The following HEPH variants were observed in gnomAD, a reference collection of about 807,000 sequenced individuals.
HEPH encodes the protein hephaestin.
A neutral mutation model predicts 80.8 loss-of-function variants in HEPH; 69 were observed. The ratio of observed to expected loss-of-function variants is 0.85; its 90% CI spans 0.70 to 1.04. HEPH has a LOEUF of 1.04. Ranked by LOEUF, HEPH falls within the 50% of genes least tolerant of loss-of-function variation. The pLI, the probability that HEPH is intolerant of heterozygous loss-of-function variation, is 0.00. For synonymous variants in HEPH, 431 were observed against 322.8 expected (o/e 1.34, Z -3.60); for missense variants, 1,115 against 891.3 (o/e 1.25, Z -3.20).
intron 15 of HEPH, 132 bp from the exon 16 acceptor site, chrX:66,254,903 A>C (rs2091122672): frequency 2.6e-6 from 1 of 382,614 alleles, no homozygotes; most frequent in South Asian, 7.0e-5. Context: ...CACAAAAATA[A>C]AATGATGGAG....
intron 15 of HEPH, among the ~76,000 whole-genome samples, chrX:66,245,398 G>A (rs1321918774): frequency 9.0e-6 from 1 of 111,687 alleles, no homozygotes; most frequent in Non-Finnish European, 1.9e-5. Context: ...ATTACATAAT[G>A]GTAAAGGGAT....
Position 66,247,572 on chromosome X carries a change from T to C in HEPH, c.2564-7463T>C, listed in dbSNP as rs189269642. ...TTGTTCAGATATGGTTTTAAGTTTT[T>C]CTTTACTTTTTATTTATGTTTTCAG... On this transcript the variant is annotated intron_variant, in intron 15 of 20. Transcript: ENST00000343002. 2.4e-3 allele frequency among the ~76,000 whole-genome samples: 271 copies of C among 111,707 alleles called. 2 individuals are homozygous for C. The highest frequency in any genetic ancestry group is 8.3e-3 in the African/African-American group (255 of 30,799).
chrX:66,234,593 CA>C (rs1343709982), intron 15 of HEPH, among the ~76,000 whole-genome samples: 8 of 109,032 alleles, frequency 7.3e-5, no homozygotes, highest in Non-Finnish European at 1.5e-4. Flanking sequence ...TTTTTTTTGA[CA>C]TTTTAATAAT....
intron 15 of HEPH, among the ~76,000 whole-genome samples, chrX:66,209,219 G>A (rs2088977426): frequency 8.9e-6 from 1 of 112,002 alleles, no homozygotes; most frequent in South Asian, 3.7e-4. Flanking sequence ...GTGAAGAAAA[G>A]GGTATTTAAT....
intron 2 of HEPH, chrX:66,171,067 G>A (rs1426347766): frequency 3.3e-6 from 1 of 305,634 alleles, no homozygotes; most frequent in Non-Finnish European, 6.0e-6. Flanking sequence ...GTGTTTGTAA[G>A]ATGTATGGGT....
At chrX:66,239,213 C>T (rs769570741) in intron 15 of HEPH, among the ~76,000 whole-genome samples, 6 of 111,948 alleles carry the variant, frequency 5.4e-5, no homozygotes, top group African/African-American at 6.5e-5. Flanking sequence ...TTCAGAGGCC[C>T]GTGGTGACAG....
At chrX:66,216,158 G>A (rs763347241) in intron 15 of HEPH, among the ~76,000 whole-genome samples, 3 of 111,396 alleles carry the variant, frequency 2.7e-5, no homozygotes, top group Non-Finnish European at 3.8e-5. Context: ...ATGACCCTGC[G>A]TACAACCTGA....
intron 4 of HEPH, among the ~76,000 whole-genome samples, chrX:66,177,159 A>G (rs1021878785): frequency 6.3e-5 from 7 of 111,682 alleles, no homozygotes; most frequent in South Asian, 3.7e-4. Context: ...TGGGCGAAGG[A>G]TATGAACAGA....
rs144707257 is a variant in HEPH at position 66,246,422 on chromosome X, G to T, written c.2564-8613G>T. On this transcript the variant is annotated intron_variant, in intron 15 of 20. Transcript: ENST00000343002. ...AAGCCCTGTCTGATGAGGGGCAGTA[G>T]AGCAATCTTACTCCTTCTAGGCACC... 7.2e-5 allele frequency among the ~76,000 whole-genome samples: 8 copies of T among 111,488 alleles called. No individual in the cohort carries two copies. In the East Asian group the frequency reaches 2.3e-3, roughly 32 times the overall value.
chrX:66,256,563 C>T (rs932590718), intron 17 of HEPH, among the ~76,000 whole-genome samples: 24 of 111,819 alleles, frequency 2.1e-4, no homozygotes, highest in African/African-American at 7.1e-4. Flanking sequence ...GAAGTTGACT[C>T]TGTAAATTGC....
chrX:66,206,337 A>ATTTT (rs2088771364), intron 13 of HEPH, among the ~76,000 whole-genome samples: 1 of 22,887 alleles, frequency 4.4e-5, no homozygotes, highest in Non-Finnish European at 1.3e-4. Flanking sequence ...GAAACCTGCC[A>ATTTT]TCTTTTTTTT....
intron 15 of HEPH, among the ~76,000 whole-genome samples, chrX:66,238,952 G>A (rs920729376): frequency 5.3e-5 from 6 of 112,606 alleles, no homozygotes; most frequent in Non-Finnish European, 9.4e-5. Context: ...GGCACAGATC[G>A]CTCATGCTAT....
upstream of HEPH, among the ~76,000 whole-genome samples, chrX:66,163,359 A>T (rs1394628761): frequency 9.0e-6 from 1 of 110,511 alleles, no homozygotes; most frequent in Non-Finnish European, 1.9e-5. Context: ...TGTTGGGGGA[A>T]CATTTTGTTT....
intron 19 of HEPH, among the ~76,000 whole-genome samples, chrX:66,261,557 A>G (rs1431861706): frequency 4.7e-5 from 4 of 84,990 alleles, no homozygotes; most frequent in South Asian, 5.3e-4. Flanking sequence ...TTTTTTTTCT[A>G]TGCTTTTAAA....
chrX:66,215,755 G>A (rs1269001827), intron 15 of HEPH, among the ~76,000 whole-genome samples: 1 of 110,983 alleles, frequency 9.0e-6, no homozygotes, highest in Non-Finnish European at 1.9e-5. Context: ...CTTTGATGGA[G>A]GTGCATTGCC....
intron 15 of HEPH, among the ~76,000 whole-genome samples, chrX:66,242,148 G>A (rs2090618640): frequency 9.1e-6 from 1 of 109,862 alleles, no homozygotes; most frequent in Non-Finnish European, 1.9e-5. Flanking sequence ...CCAAAACAGT[G>A]GGGTATTGGT....
intron 19 of HEPH, among the ~76,000 whole-genome samples, chrX:66,262,397 T>C (rs2091397257): frequency 9.0e-6 from 1 of 111,597 alleles, no homozygotes; most frequent in Admixed American, 9.5e-5. Flanking sequence ...CTATGGTCTT[T>C]CTCTTCTCTC....
chrX:66,250,789 T>G (rs1220636686), intron 15 of HEPH, among the ~76,000 whole-genome samples: 10 of 112,129 alleles, frequency 8.9e-5, no homozygotes, highest in Admixed American at 7.6e-4. Context: ...ATGGTATGAA[T>G]GTACCACATT....
At chrX:66,264,870 A>G (rs1602589159) in intron 20 of HEPH, among the ~76,000 whole-genome samples, 1 of 106,524 alleles carries the variant, frequency 9.4e-6, no homozygotes, top group African/African-American at 3.4e-5. Context: ...TAAATATTAT[A>G]TATATATTTG....
Sources: allele counts gnomAD v4.1 joint callset (sites outside exome capture counted in the v4.1 genomes callset), GRCh38; gene constraint gnomAD v4.1.1; transcripts MANE v1.5; gene names NCBI Gene and HGNC (gene_info 2026-07-23, HGNC 2026-07-21).